Variants in LRP1B observed in about 807,000 individuals in gnomAD.
The protein encoded by LRP1B is low-density lipoprotein receptor-related protein 1B.
A neutral mutation model predicts 556.6 loss-of-function variants in LRP1B; 217 were observed. That is an observed-to-expected ratio of 0.39 (90% confidence interval 0.35 to 0.44). The LOEUF (loss-of-function observed/expected upper bound fraction) is 0.44. LRP1B is among the 20% of genes least tolerant of loss of function. The probability of loss-of-function intolerance (pLI) is 1.00; values close to 1 mark genes in which losing one functional copy is unlikely to be tolerated. For missense variants in LRP1B, 5,053 were observed against 5,620.8 expected, an observed-to-expected ratio of 0.90 and a Z score of 3.23; for synonymous variants, 2,047 against 1,865.8, an observed-to-expected ratio of 1.10 and a Z score of -2.50.
At chr2:141,884,698 A>C (rs1315170369) in intron 1 of LRP1B, among the ~76,000 whole-genome samples, 1 of 152,220 alleles carries the variant, frequency 6.6e-6, no homozygotes, top group East Asian at 1.9e-4. Context: ...TTTGTCTGGA[A>C]TGTCATAGCT....
At chr2:141,637,376 T>C (rs947744351) in intron 2 of LRP1B, among the ~76,000 whole-genome samples, 4 of 152,164 alleles carry the variant, frequency 2.6e-5, no homozygotes, top group Non-Finnish European at 5.9e-5. Context: ...AAATTAACTA[T>C]TTAGAGAATA....
chr2:142,059,249 T>C (rs890203528), intron 1 of LRP1B, among the ~76,000 whole-genome samples: 5 of 152,118 alleles, frequency 3.3e-5, no homozygotes, highest in South Asian at 2.1e-4. Context: ...TCTGTAAATA[T>C]ACTAAAAGTC....
chr2:141,627,019 A>G (rs1000346981), intron 2 of LRP1B, among the ~76,000 whole-genome samples: 1 of 152,236 alleles, frequency 6.6e-6, no homozygotes, highest in South Asian at 2.1e-4. Flanking sequence ...AGTTTTATTT[A>G]CAACTGCCAA....
chr2:141,888,457 G>A (rs1322024635), intron 1 of LRP1B, among the ~76,000 whole-genome samples: 3 of 152,170 alleles, frequency 2.0e-5, no homozygotes, highest in African/African-American at 7.2e-5. Context: ...TTTGCTGGGA[G>A]AGACCTGAAT....
chr2:141,996,710 CT>C (rs974967511), intron 1 of LRP1B, among the ~76,000 whole-genome samples: 10 of 87,928 alleles, frequency 1.1e-4, no homozygotes, highest in African/African-American at 5.3e-4. Flanking sequence ...TAAATTTTTT[CT>C]TTCCCCCCCC....
At chr2:141,821,224 G>A (rs561147131) in intron 1 of LRP1B, among the ~76,000 whole-genome samples, 1 of 152,288 alleles carries the variant, frequency 6.6e-6, no homozygotes, top group South Asian at 2.1e-4. Flanking sequence ...GTATTGCTTC[G>A]ATTCCCTCAA....
At chr2:142,116,192 C>CAAAAAAAAAAAAAAAAAAAAAAAAAA (rs70994477) in intron 1 of LRP1B, among the ~76,000 whole-genome samples, 1 of 65,456 alleles carries the variant, frequency 1.5e-5, no homozygotes, top group Non-Finnish European at 2.6e-5. Flanking sequence ...GAGTCTGTCT[C>CAAAAAAAAAAAAAAAAAAAAAAAAAA]AAAAAAAAAA....
intron 2 of LRP1B, among the ~76,000 whole-genome samples, chr2:141,662,779 A>C (rs978153302): frequency 2.6e-5 from 4 of 152,000 alleles, no homozygotes; most frequent in Non-Finnish European, 5.9e-5. Flanking sequence ...ATTGAGACAA[A>C]ATTAACAAAG....
rs533055650 is a variant in LRP1B, at chr2:141,757,881, C to A, written c.205+52398G>T. 6.4e-3 allele frequency among the ~76,000 whole-genome samples: 527 copies of A among 82,282 alleles called. 1 individual carries two copies. The highest frequency in any genetic ancestry group is 0.021 in the African/African-American group (488 of 22,816). The allele number at this position is 82,282 out of a possible 152,430, so 54.0% of individuals were successfully genotyped here. A position where few individuals can be genotyped will look rare whatever the true frequency, so the allele number is the denominator to read the frequency against. The stretch of plus-strand genomic sequence containing the variant: ...CAGTTTTTCTTCCTAAACAGAGCCC[C>A]ATAGCTTATTAATTCAGCGTTTTTC... On this transcript the variant is annotated intron_variant, in intron 2 of 90. Coordinates refer to ENST00000389484, the MANE Select transcript of LRP1B (RefSeq NM_018557.3).
intron 1 of LRP1B, among the ~76,000 whole-genome samples, chr2:141,823,051 T>G (rs1439704022): frequency 6.6e-6 from 1 of 152,142 alleles, no homozygotes; most frequent in East Asian, 1.9e-4. Flanking sequence ...TTCACCATTT[T>G]GAAAAATACC....
intron 6 of LRP1B, among the ~76,000 whole-genome samples, chr2:141,220,633 A>G (rs916525052): frequency 1.3e-5 from 2 of 151,718 alleles, no homozygotes; most frequent in Admixed American, 6.6e-5. Flanking sequence ...AAAAAAAAAA[A>G]AAAAGAAAAA....
At chr2:140,600,852 C>T (rs367680022) in intron 42 of LRP1B, among the ~76,000 whole-genome samples, 1 of 101,454 alleles carries the variant, frequency 9.9e-6, no homozygotes, top group Non-Finnish European at 1.9e-5. Flanking sequence ...TGTTTTTATT[C>T]ACTGAGTATA....
chr2:141,490,368 C>CGTGTGTGTGTGTG (rs1491339740), intron 2 of LRP1B, among the ~76,000 whole-genome samples: 2 of 40,842 alleles, frequency 4.9e-5, no homozygotes, highest in Non-Finnish European at 1.2e-4. Context: ...TTAAAATAGC[C>CGTGTGTGTGTGTG]TCGTGTGTGT....
In LRP1B at chr2:141,643,780, T is replaced by C. The variant is rs537698218; in HGVS notation, c.206-163247A>G. ...GAGTTTTGGATAGAGGACGATGCTGTGACCCCCTGTCTTCAACATATACTA... is the reference window on the plus strand; with the variant it reads ...GAGTTTTGGATAGAGGACGATGCTGCGACCCCCTGTCTTCAACATATACTA... On this transcript the variant is annotated intron_variant, in intron 2 of 90. Transcript: ENST00000389484. 8.8e-4 allele frequency among the ~76,000 whole-genome samples: 134 copies of C among 152,242 alleles called. No individual in the cohort carries two copies. In the Middle Eastern group the frequency reaches 0.014, roughly 15 times the overall value.
chr2:141,098,490 C>T (rs1010041002), intron 7 of LRP1B, among the ~76,000 whole-genome samples: 1 of 152,138 alleles, frequency 6.6e-6, no homozygotes, highest in South Asian at 2.1e-4. Context: ...ACCCTTAGCA[C>T]CACTGTTTCC....
intron 1 of LRP1B, among the ~76,000 whole-genome samples, chr2:141,908,507 C>CA (rs771790982): frequency 6.6e-6 from 1 of 151,886 alleles, no homozygotes; most frequent in Non-Finnish European, 1.5e-5. Flanking sequence ...CTTGGCTTAT[C>CA]AATGTGCTGT....
At chr2:140,516,093 GAAGATGA>G (rs1400706723) in intron 50 of LRP1B, among the ~76,000 whole-genome samples, 1 of 151,974 alleles carries the variant, frequency 6.6e-6, no homozygotes, top group Non-Finnish European at 1.5e-5. Flanking sequence ...TTAGGAGGTA[GAAGATGA>G]AAGGCAAAAG....
At chr2:141,800,361 T>C (rs1695970886) in intron 2 of LRP1B, among the ~76,000 whole-genome samples, 1 of 152,212 alleles carries the variant, frequency 6.6e-6, no homozygotes, top group Non-Finnish European at 1.5e-5. Flanking sequence ...TTTAAGTAAA[T>C]TTCCTTTTGC....
intron 22 of LRP1B, among the ~76,000 whole-genome samples, chr2:140,906,125 G>A (rs1471144463): frequency 6.6e-6 from 1 of 152,076 alleles, no homozygotes; most frequent in Non-Finnish European, 1.5e-5. Context: ...AGTGCGGTGT[G>A]TAGTTCAATA....
Sources: allele counts gnomAD v4.1 joint callset (sites outside exome capture counted in the v4.1 genomes callset), GRCh38; gene constraint gnomAD v4.1.1; transcripts MANE v1.5; gene names NCBI Gene and HGNC (gene_info 2026-07-23, HGNC 2026-07-21).